Variants in PRKACB observed in about 807,000 individuals in gnomAD.
PRKACB encodes the protein protein kinase cAMP-activated catalytic subunit beta.
Under a neutral mutation model 51.4 loss-of-function variants are expected in PRKACB, and 16 were observed. The ratio of observed to expected loss-of-function variants is 0.31; its 90% CI spans 0.21 to 0.47. PRKACB has a LOEUF of 0.47. Among genes scored for constraint, PRKACB ranks in the 20% least tolerant of loss-of-function variants. PRKACB has a pLI of 1.00. For synonymous variants in PRKACB, 147 were observed against 154.4 expected, an observed-to-expected ratio of 0.95 and a Z score of 0.35; for missense variants, 309 against 464.5, an observed-to-expected ratio of 0.67 and a Z score of 3.08.
chr1:84,110,213 C>A (rs1439968484), intron 1 of PRKACB, among the ~76,000 whole-genome samples: 2 of 151,682 alleles, frequency 1.3e-5, no homozygotes, highest in African/African-American at 4.8e-5. Context: ...GATAACAATA[C>A]AACAATATGA....
At chr1:84,234,787 T>C (rs2101730882) in intron 9 of PRKACB, among the ~76,000 whole-genome samples, 1 of 152,320 alleles carries the variant, frequency 6.6e-6, no homozygotes, top group East Asian at 1.9e-4. Flanking sequence ...ACACGGTGCG[T>C]GCACCCACTG....
At chr1:84,151,178 G>GT (rs2100642296) in intron 1 of PRKACB, among the ~76,000 whole-genome samples, 1 of 152,208 alleles carries the variant, frequency 6.6e-6, no homozygotes, top group South Asian at 2.1e-4. Context: ...TCACAGTAAA[G>GT]CAAGTCACAC....
At chr1:84,116,673 C>T (rs1650661210) in intron 1 of PRKACB, among the ~76,000 whole-genome samples, 1 of 152,082 alleles carries the variant, frequency 6.6e-6, no homozygotes, top group African/African-American at 2.4e-5. Flanking sequence ...GATTTTGTCT[C>T]CTGCAACTCT....
At chr1:84,150,512 A>AC (rs1654720299) in intron 1 of PRKACB, among the ~76,000 whole-genome samples, 1 of 152,086 alleles carries the variant, frequency 6.6e-6, no homozygotes, top group Non-Finnish European at 1.5e-5. Flanking sequence ...CGTTTGGGTC[A>AC]TGGGGGAGGA....
rs561215717 is a variant in PRKACB, at chr1:84,204,118, A to G, written c.906+1313A>G. ...GAATTAGTCTATCCAATCACCTAGAACATACATTTCAGCACAGTATTGTTC... is the reference window on the plus strand; with the variant it reads ...GAATTAGTCTATCCAATCACCTAGAGCATACATTTCAGCACAGTATTGTTC... On this transcript the variant is annotated intron_variant, in intron 8 of 9. Coordinates refer to ENST00000370685, the MANE Select transcript of PRKACB (RefSeq NM_182948.4). 4.6e-5 allele frequency among the ~76,000 whole-genome samples: 7 copies of G among 152,098 alleles called. No individual in the cohort carries two copies. The East Asian group carries it at 9.6e-4, about 21-fold the overall frequency.
chr1:84,180,183 GATATATATATATATATAT>G (rs3051182), intron 2 of PRKACB, among the ~76,000 whole-genome samples: 1 of 32,062 alleles, frequency 3.1e-5, no homozygotes, highest in Non-Finnish European at 7.8e-5. Flanking sequence ...AAGAAACTGT[GATATATATATATATATAT>G]ATATATATGT....
At chr1:84,150,312 A>G (rs1167313354) in intron 1 of PRKACB, among the ~76,000 whole-genome samples, 3 of 152,062 alleles carry the variant, frequency 2.0e-5, no homozygotes, top group African/African-American at 7.2e-5. Flanking sequence ...TAAAGAAAAC[A>G]CATTTAACAT....
intron 1 of PRKACB, among the ~76,000 whole-genome samples, chr1:84,149,154 A>G (rs1654513680): frequency 6.6e-6 from 1 of 152,238 alleles, no homozygotes; most frequent in African/African-American, 2.4e-5. Context: ...ACTACAGGAA[A>G]AAACAAAAAG....
At chr1:84,217,864 T>C (rs1673105135) in intron 9 of PRKACB, among the ~76,000 whole-genome samples, 1 of 152,200 alleles carries the variant, frequency 6.6e-6, no homozygotes, top group African/African-American at 2.4e-5. Flanking sequence ...TAGTGCTTTC[T>C]GAACTCTAAC....
At chr1:84,116,293 G>A (rs1013488049) in intron 1 of PRKACB, among the ~76,000 whole-genome samples, 1 of 152,034 alleles carries the variant, frequency 6.6e-6, no homozygotes, top group African/African-American at 2.4e-5. Context: ...CTCCAGCTTC[G>A]TTCTTTTTGC....
At chr1:84,166,466 C>G (rs1210017692) in intron 1 of PRKACB, among the ~76,000 whole-genome samples, 3 of 151,566 alleles carry the variant, frequency 2.0e-5, no homozygotes, top group African/African-American at 7.3e-5. Context: ...CTTTATTTTT[C>G]TTTAAAAAGC....
chr1:84,111,331 G>A (rs1049012627), intron 1 of PRKACB, among the ~76,000 whole-genome samples: 5 of 152,024 alleles, frequency 3.3e-5, no homozygotes, highest in African/African-American at 1.2e-4. Flanking sequence ...CACAAAATGA[G>A]TCTTTCTGTA....
Position 84,144,310 on chromosome 1 carries a change from C to A in PRKACB, c.-52C>A, listed in dbSNP as rs1653736247. On this transcript the variant is annotated 5_prime_UTR_variant, in exon 1 of 10. Coordinates refer to ENST00000370685, the MANE Select transcript of PRKACB (RefSeq NM_182948.4). ...TAGCTTCTGTGTAAGAAGTTGTGAG[C>A]TCCTTCTGGAAACATTTGCAGTTAC... 3 of 1,587,138 alleles carry A rather than the reference C, an allele frequency of 1.9e-6. No individual in the cohort carries two copies. The highest frequency in any genetic ancestry group is 2.3e-5 in the South Asian group (2 of 87,052).
At chr1:84,219,466 C>A (rs751689219) in intron 9 of PRKACB, among the ~76,000 whole-genome samples, 1 of 151,998 alleles carries the variant, frequency 6.6e-6, no homozygotes, top group Non-Finnish European at 1.5e-5. Context: ...CTGCCTCAGC[C>A]TCCCAAAGTG....
rs527824656 is a variant in PRKACB, at chr1:84,178,627, A to C, written c.188-550A>C. ...TTGTCGATGTTTTGTTCTGTTTTTA[A>C]GTCTTTGTTGGTGTCCTTTATGTGC... On this transcript the variant is annotated intron_variant, in intron 1 of 9. Coordinates refer to ENST00000370685, the MANE Select transcript of PRKACB (RefSeq NM_182948.4). Among the ~76,000 whole-genome samples, 11 of 152,064 alleles carry C rather than the reference A, an allele frequency of 7.2e-5. 1 individual carries two copies. In the South Asian group the frequency reaches 2.3e-3, roughly 32 times the overall value.
At chr1:84,085,819 C>A in intron 1 of PRKACB, 1 of 431,266 alleles carries the variant, frequency 2.3e-6, no homozygotes, top group East Asian at 3.7e-5. Flanking sequence ...GTGGCCACCT[C>A]TCACTTCTGG....
chr1:84,229,281 A>T (rs1391590702), intron 9 of PRKACB, among the ~76,000 whole-genome samples: 1 of 81,016 alleles, frequency 1.2e-5, no homozygotes, highest in East Asian at 3.6e-4. Context: ...TTATGGCTGC[A>T]TAGTATTCCA....
At chr1:84,166,488 G>C (rs1003765989) in intron 1 of PRKACB, among the ~76,000 whole-genome samples, 2 of 151,660 alleles carry the variant, frequency 1.3e-5, no homozygotes, top group Non-Finnish European at 3.0e-5. Flanking sequence ...ATGCATTGTA[G>C]ATAGCATTTG....
chr1:84,209,382 C>T (rs1671805883), intron 8 of PRKACB, among the ~76,000 whole-genome samples: 1 of 152,080 alleles, frequency 6.6e-6, no homozygotes, highest in African/African-American at 2.4e-5. Context: ...TCCACCCACC[C>T]CCCTCCACGA....
Sources: allele counts gnomAD v4.1 joint callset (sites outside exome capture counted in the v4.1 genomes callset), GRCh38; gene constraint gnomAD v4.1.1; transcripts MANE v1.5; gene names NCBI Gene and HGNC (gene_info 2026-07-23, HGNC 2026-07-21).